Variants in AKAP12 observed in about 807,000 individuals in gnomAD.
AKAP12 encodes the protein A-kinase anchor protein 12.
AKAP12 carries 32 observed loss-of-function variants against 79.9 expected under a neutral mutation model. The observed-to-expected ratio is 0.40, with a 90% confidence interval of 0.30 to 0.54. AKAP12 has a LOEUF of 0.54. Among genes scored for constraint, AKAP12 ranks in the 20% least tolerant of loss-of-function variants. AKAP12 has a pLI of 0.48. For missense variants in AKAP12, 2,074 were observed against 2,177.0 expected, an observed-to-expected ratio of 0.95 and a Z score of 0.94; for synonymous variants, 808 against 857.0, an observed-to-expected ratio of 0.94 and a Z score of 1.00.
At chr6:151,286,161 G>A (rs1395337291) in intron 2 of AKAP12, among the ~76,000 whole-genome samples, 1 of 152,158 alleles carries the variant, frequency 6.6e-6, no homozygotes, top group Non-Finnish European at 1.5e-5. Context: ...TACAGCCATG[G>A]AGGTGATAAT....
intron 2 of AKAP12, among the ~76,000 whole-genome samples, chr6:151,271,462 C>T (rs995762824): frequency 4.0e-5 from 6 of 151,836 alleles, no homozygotes; most frequent in Non-Finnish European, 5.9e-5. Flanking sequence ...GCTGGGACTA[C>T]AGGCCTGTGC....
intron 2 of AKAP12, among the ~76,000 whole-genome samples, chr6:151,246,416 TCAAAAA>T (rs541585942): frequency 2.5e-4 from 38 of 152,300 alleles, no homozygotes; most frequent in South Asian, 8.3e-4. Flanking sequence ...AGACTCCGTC[TCAAAAA>T]CAAAAACAAA....
chr6:151,315,352 G>A (rs1447027549), intron 3 of AKAP12, among the ~76,000 whole-genome samples: 1 of 152,202 alleles, frequency 6.6e-6, no homozygotes, highest in Admixed American at 6.5e-5. Flanking sequence ...TCATGTGGCA[G>A]AAGGGCAGAG....
At chr6:151,250,408 A>T (rs1797150759) in intron 2 of AKAP12, among the ~76,000 whole-genome samples, 1 of 151,580 alleles carries the variant, frequency 6.6e-6, no homozygotes, top group African/African-American at 2.4e-5. Context: ...CTGAGGCAGG[A>T]GAATCGCTTG....
At chr6:151,344,509 C>T (rs6919071) in intron 3 of AKAP12, among the ~76,000 whole-genome samples, 103,282 of 151,842 alleles carry the variant, frequency 0.68, 35,677 homozygotes, top group Non-Finnish European at 0.74. Flanking sequence ...TTGGGTACCT[C>T]AGGCAGTTTT....
intron 2 of AKAP12, among the ~76,000 whole-genome samples, chr6:151,253,435 C>T (rs56150822): frequency 0.092 from 13,949 of 151,784 alleles, 871 homozygotes; most frequent in East Asian, 0.34. Context: ...GCTGTGTTGC[C>T]CAGGCTGGTC....
chr6:151,254,004 C>T (rs1287401593), intron 2 of AKAP12, among the ~76,000 whole-genome samples: 3 of 152,076 alleles, frequency 2.0e-5, no homozygotes, highest in East Asian at 1.9e-4. Flanking sequence ...CCACTGTGCC[C>T]GGCCAGAAAT....
chr6:151,330,979 G>A (rs1430109308), intron 3 of AKAP12, among the ~76,000 whole-genome samples: 1 of 152,138 alleles, frequency 6.6e-6, no homozygotes, highest in Admixed American at 6.6e-5. Context: ...TTTTCGAAAG[G>A]AAAATGTGTA....
chr6:151,273,511 G>T (rs984886389), intron 2 of AKAP12, among the ~76,000 whole-genome samples: 1 of 152,036 alleles, frequency 6.6e-6, no homozygotes, highest in African/African-American at 2.4e-5. Context: ...TCTCCATCTG[G>T]CATTCTTCCA....
chr6:151,322,290 G>A (rs561146318), intron 3 of AKAP12, among the ~76,000 whole-genome samples: 12 of 152,160 alleles, frequency 7.9e-5, no homozygotes, highest in East Asian at 1.9e-4. Context: ...GGCTAATAAC[G>A]TTGGACGTAT....
At chr6:151,244,048 T>C (rs1001053094) in intron 2 of AKAP12, among the ~76,000 whole-genome samples, 3 of 152,120 alleles carry the variant, frequency 2.0e-5, no homozygotes, top group African/African-American at 4.8e-5. Flanking sequence ...ATGCTGGACA[T>C]TGAACAATGG....
intron 3 of AKAP12, among the ~76,000 whole-genome samples, chr6:151,313,644 T>G (rs899394524): frequency 6.6e-6 from 1 of 152,228 alleles, no homozygotes. Flanking sequence ...AGTCTGACAG[T>G]GCAGTGAACT....
In AKAP12 at chr6:151,349,559, G is replaced by A. The variant is rs968912380; in HGVS notation, c.1168G>A (p.Gly390Arg). 3 of 1,611,486 alleles carry A rather than the reference G, an allele frequency of 1.9e-6. No individual in the cohort carries two copies. Among genetic ancestry groups the A allele is most frequent in the Admixed American group, 3.4e-5 (2 of 59,048 alleles). ...AGAGGAGCAAGTCAGTGGCTCGCAG[G>A]GACCTTCTGAAGAGAAACCTGCTCC... ...PSEEQVSGSQ[G>R]PSEEKPAPLA... The change falls in exon 4 of 5, where the codon GGA (glycine) becomes AGA (arginine). Residue 390 changes from glycine (G) to arginine (R), a missense_variant. By Grantham distance (125) the Gly-to-Arg change is moderately radical. This residue lies in a region of AKAP12 where 1,428 missense variants were observed against 1,451.0 expected (regional missense o/e 0.98). Coordinates refer to ENST00000402676, the MANE Select transcript of AKAP12 (RefSeq NM_005100.4).
chr6:151,319,734 C>A (rs942670006), intron 3 of AKAP12: 2 of 159,228 alleles, frequency 1.3e-5, no homozygotes, highest in Admixed American at 1.3e-4. Flanking sequence ...TCCTCCCTCA[C>A]CACTCCATGG....
At chr6:151,256,626 A>G (rs1034355758) in intron 2 of AKAP12, among the ~76,000 whole-genome samples, 3 of 151,892 alleles carry the variant, frequency 2.0e-5, no homozygotes, top group Non-Finnish European at 4.4e-5. Context: ...GTGTATATAC[A>G]CATGTATAAA....
intron 3 of AKAP12, among the ~76,000 whole-genome samples, chr6:151,337,727 T>C (rs1188913493): frequency 2.0e-5 from 3 of 152,076 alleles, no homozygotes; most frequent in African/African-American, 7.2e-5. Flanking sequence ...TTATAAGTCA[T>C]GTAGGTATGA....
intron 2 of AKAP12, among the ~76,000 whole-genome samples, chr6:151,251,648 G>T (rs990325671): frequency 4.6e-5 from 7 of 152,158 alleles, no homozygotes; most frequent in Non-Finnish European, 7.3e-5. Flanking sequence ...TATACTAAGG[G>T]TACCTTTAGA....
intron 2 of AKAP12, among the ~76,000 whole-genome samples, chr6:151,264,313 A>G (rs1161185384): frequency 1.3e-5 from 2 of 151,640 alleles, no homozygotes; most frequent in Admixed American, 6.6e-5. Context: ...GTTTTGCTCA[A>G]AGTGCCACTG....
At chr6:151,312,735 T>TA (rs1244632607) in intron 3 of AKAP12, among the ~76,000 whole-genome samples, 2 of 139,372 alleles carry the variant, frequency 1.4e-5, no homozygotes, top group African/African-American at 5.6e-5. Context: ...GAGGTTGTAG[T>TA]AAGCCGAGAT....
Sources: gnomAD v4.1 joint callset for allele counts (sites outside exome capture counted in the v4.1 genomes callset) on GRCh38, gnomAD v4.1.1 for gene constraint, gnomAD v4.1.1 regional missense constraint, MANE v1.5 for transcripts, NCBI Gene and HGNC (gene_info 2026-07-23, HGNC 2026-07-21) for gene names.